Variants in CD38 observed in about 807,000 individuals in gnomAD.
CD38 encodes the protein CD38 molecule.
A neutral mutation model predicts 36.3 loss-of-function variants in CD38; 31 were observed. The observed-to-expected ratio is 0.85, with a 90% CI of 0.64 to 1.15. The LOEUF is 1.15. CD38 is among the 50% of genes most tolerant of loss of function. The pLI is 0.00. For synonymous variants in CD38, 131 were observed against 135.2 expected (o/e 0.97, Z 0.22); for missense variants, 380 against 371.9 (o/e 1.02, Z -0.18).
At chr4:15,802,353 C>G (rs932247014) in intron 1 of CD38, among the ~76,000 whole-genome samples, 2 of 151,938 alleles carry the variant, frequency 1.3e-5, no homozygotes, top group African/African-American at 4.8e-5. Context: ...TGTTAAGATT[C>G]CATACTACCC....
intron 1 of CD38, among the ~76,000 whole-genome samples, chr4:15,791,625 T>TG (rs199620485): frequency 3.6e-5 from 2 of 55,992 alleles, no homozygotes; most frequent in Non-Finnish European, 6.4e-5. Flanking sequence ...GGGAGGGAGG[T>TG]GGGGGGGTCA....
intron 1 of CD38, among the ~76,000 whole-genome samples, chr4:15,802,247 C>G (rs1360771730): frequency 1.3e-5 from 2 of 151,938 alleles, no homozygotes; most frequent in East Asian, 1.9e-4. Flanking sequence ...TGAAAGATCT[C>G]TAGAATAAAG....
At chr4:15,823,582 A>G (rs1183981651) in intron 2 of CD38, among the ~76,000 whole-genome samples, 1 of 152,242 alleles carries the variant, frequency 6.6e-6, no homozygotes, top group East Asian at 1.9e-4. Flanking sequence ...AAAGCTCAAC[A>G]TCACTGGTCA....
In CD38 at chr4:15,825,016, A is replaced by C; in HGVS notation, c.499A>C (p.Lys167Gln). Residue 167 changes from lysine to glutamine, a missense_variant and splice_region_variant, in exon 3 of 8, where the codon AAA (lysine) becomes CAA (glutamine). Coordinates refer to ENST00000226279, the MANE Select transcript of CD38 (RefSeq NM_001775.4). Reference sequence around the variant, plus strand: ...ATGGTGTGGTGAATTCAACACTTCCAGTGAGGCTCTGGGCCCTGTGGGATT... The same window carrying C: ...ATGGTGTGGTGAATTCAACACTTCCCGTGAGGCTCTGGGCCCTGTGGGATT... ...LTWCGEFNTS[K>Q]INYQSCPDWR... 6.2e-7 allele frequency: 1 copy of C among 1,608,314 alleles called. No individual in the cohort carries two copies. The highest frequency in any genetic ancestry group is 8.5e-7 in the Non-Finnish European group (1 of 1,176,762).
chr4:15,848,269 C>T (rs567985315), intron 7 of CD38, among the ~76,000 whole-genome samples: 1 of 152,144 alleles, frequency 6.6e-6, no homozygotes, highest in Admixed American at 6.5e-5. Flanking sequence ...TTCAACATTC[C>T]CTCAGGAAGC....
intron 1 of CD38, among the ~76,000 whole-genome samples, chr4:15,815,425 T>A (rs1723575326): frequency 6.6e-6 from 1 of 152,182 alleles, no homozygotes; most frequent in African/African-American, 2.4e-5. Context: ...TATTTGTTTG[T>A]GTCCTTTATT....
intron 3 of CD38, chr4:15,825,516 G>C (rs1323840708): frequency 6.5e-6 from 1 of 152,854 alleles, no homozygotes; most frequent in African/African-American, 2.4e-5. Flanking sequence ...CAACACTGGG[G>C]GTCGAATTTC....
intron 1 of CD38, among the ~76,000 whole-genome samples, chr4:15,801,691 A>C (rs760868303): frequency 1.3e-5 from 2 of 152,190 alleles, no homozygotes; most frequent in Non-Finnish European, 2.9e-5. Flanking sequence ...AAGGACAAAA[A>C]TCATATGATC....
In CD38 at chr4:15,851,339, G is replaced by A. The variant is rs1724382260; in HGVS notation, c.*2737G>A. On this transcript the variant is annotated 3_prime_UTR_variant, in exon 8 of 8. Coordinates refer to ENST00000226279, the MANE Select transcript of CD38 (RefSeq NM_001775.4). ...TTTCCTATAAGTGACTTCTCTACTG[G>A]ATTACTGGTTGCTCATACACCTCAT... 1 of 152,044 alleles carries A rather than the reference G, an allele frequency of 6.6e-6. No individual in the cohort carries two copies. The highest frequency in any genetic ancestry group is 6.6e-5 in the Admixed American group (1 of 15,264). The allele number at this position is 152,044 out of a possible 1,614,324, so 9.4% of individuals were successfully genotyped here. A position where few individuals can be genotyped will look rare whatever the true frequency, so the allele number is the denominator to read the frequency against.
At chr4:15,807,031 T>C (rs1723357682) in intron 1 of CD38, among the ~76,000 whole-genome samples, 1 of 152,142 alleles carries the variant, frequency 6.6e-6, no homozygotes, top group South Asian at 2.1e-4. Flanking sequence ...CCCCACAACC[T>C]AAGACCACCA....
chr4:15,793,942 T>G (rs2148916755), intron 1 of CD38, among the ~76,000 whole-genome samples: 1 of 152,328 alleles, frequency 6.6e-6, no homozygotes, highest in Non-Finnish European at 1.5e-5. Flanking sequence ...GTAAAGCAAG[T>G]TGGGAAGGAA....
chr4:15,794,114 G>A (rs1577638141), intron 1 of CD38, among the ~76,000 whole-genome samples: 1 of 152,328 alleles, frequency 6.6e-6, no homozygotes, highest in South Asian at 2.1e-4. Context: ...TCTGAGTAGC[G>A]TGATGAAATC....
chr4:15,805,001 A>T (rs1488026323), intron 1 of CD38, among the ~76,000 whole-genome samples: 1 of 152,208 alleles, frequency 6.6e-6, no homozygotes, highest in African/African-American at 2.4e-5. Context: ...TATGCATTGT[A>T]TGCACGTATT....
In CD38 at chr4:15,851,633, G is replaced by A. The variant is rs983608865; in HGVS notation, c.*3031G>A. On this transcript the variant is annotated 3_prime_UTR_variant, in exon 8 of 8. Transcript: ENST00000226279. ...CTTGAAAGGACACACACACACATAC[G>A]TAAGTGCATATGACTGCATACACCC... The A allele has an allele frequency of 2.0e-5, 3 of 152,138 alleles. No homozygotes were observed. Among genetic ancestry groups the A allele is most frequent in the African/African-American group, 4.8e-5 (2 of 41,504 alleles). 9.4% of individuals were successfully genotyped at this position (152,138 alleles called of 1,614,324 possible). A position where few individuals can be genotyped will look rare whatever the true frequency, so the allele number is the denominator to read the frequency against.
At chr4:15,833,749 T>C (rs889200667) in intron 3 of CD38, among the ~76,000 whole-genome samples, 1 of 152,250 alleles carries the variant, frequency 6.6e-6, no homozygotes, top group African/African-American at 2.4e-5. Context: ...GGGTTAAGAC[T>C]GCCTTGATGA....
At chr4:15,794,890 G>A (rs980346544) in intron 1 of CD38, among the ~76,000 whole-genome samples, 5 of 152,124 alleles carry the variant, frequency 3.3e-5, no homozygotes, top group African/African-American at 1.2e-4. Context: ...AAATAACAAA[G>A]TAGATAGAAA....
At chr4:15,847,908 A>G (rs1375753505) in intron 7 of CD38, among the ~76,000 whole-genome samples, 2 of 152,118 alleles carry the variant, frequency 1.3e-5, no homozygotes, top group Admixed American at 6.6e-5. Flanking sequence ...TTCCATTTGG[A>G]CTTGTACAGA....
intron 2 of CD38, among the ~76,000 whole-genome samples, chr4:15,822,561 G>C (rs1723762205): frequency 6.6e-6 from 1 of 151,968 alleles, no homozygotes; most frequent in Non-Finnish European, 1.5e-5. Flanking sequence ...CGCAAGCAGA[G>C]AGCCAAATCA....
Position 15,848,709 on chromosome 4 carries a change from C to A in CD38, c.*107C>A. On this transcript the variant is annotated 3_prime_UTR_variant, in exon 8 of 8. Transcript: ENST00000226279. ...GAGCTGAAGATTTTGGAGGGTCCTC[C>A]ACAATAAGGTCAATGCCAGAGACGG... The A allele has an allele frequency of 1.2e-6, 1 of 820,646 alleles. No individual in the cohort carries two copies. The allele number at this position is 820,646 out of a possible 1,614,324, so 50.8% of individuals were successfully genotyped here.
Sources: gnomAD v4.1 joint callset for allele counts (sites outside exome capture counted in the v4.1 genomes callset) on GRCh38, gnomAD v4.1.1 for gene constraint, MANE v1.5 for transcripts, NCBI Gene and HGNC (gene_info 2026-07-23, HGNC 2026-07-21) for gene names.